Variants in DSCAM observed in about 807,000 individuals in gnomAD.
The protein encoded by DSCAM is DS cell adhesion molecule.
DSCAM carries 47 observed loss-of-function variants against 217.7 expected under a neutral mutation model. The observed-to-expected ratio is 0.22, with a 90% CI of 0.17 to 0.28. The LOEUF is 0.28. Ranked by LOEUF, DSCAM falls within the 10% of genes least tolerant of loss-of-function variation. DSCAM has a pLI of 1.00. For synonymous variants in DSCAM, 1,056 were observed against 1,015.3 expected, an observed-to-expected ratio of 1.04 and a Z score of -0.76; for missense variants, 2,080 against 2,618.3, an observed-to-expected ratio of 0.79 and a Z score of 4.49.
At chr21:40,055,137 C>G (rs1778109487) in intron 29 of DSCAM, among the ~76,000 whole-genome samples, 1 of 152,100 alleles carries the variant, frequency 6.6e-6, no homozygotes, top group African/African-American at 2.4e-5. Flanking sequence ...CAGAAAACCT[C>G]AGGGTGGCTG....
intron 3 of DSCAM, among the ~76,000 whole-genome samples, chr21:40,441,087 C>A (rs1471989393): frequency 3.4e-5 from 4 of 117,708 alleles, no homozygotes; most frequent in East Asian, 4.4e-4. Flanking sequence ...AAATGGTAAA[C>A]CCTGAGGCAA....
At chr21:40,479,814 T>A (rs2075966869) in intron 3 of DSCAM, among the ~76,000 whole-genome samples, 1 of 152,022 alleles carries the variant, frequency 6.6e-6, no homozygotes, top group Admixed American at 6.5e-5. Context: ...TAAAAATCTG[T>A]CAGCAGTAAA....
chr21:40,436,681 G>T (rs745437412), intron 3 of DSCAM, among the ~76,000 whole-genome samples: 1 of 152,126 alleles, frequency 6.6e-6, no homozygotes, highest in African/African-American at 2.4e-5. Flanking sequence ...AAGCTTGAAG[G>T]ACTCGCCAAG....
At chr21:40,537,296 G>C (rs1029373610) in intron 3 of DSCAM, among the ~76,000 whole-genome samples, 1 of 152,190 alleles carries the variant, frequency 6.6e-6, no homozygotes, top group Non-Finnish European at 1.5e-5. Flanking sequence ...GGTCGAGAGA[G>C]AGACAGACAG....
At chr21:40,086,294 C>T (rs560049944) in intron 22 of DSCAM, among the ~76,000 whole-genome samples, 6 of 152,358 alleles carry the variant, frequency 3.9e-5, no homozygotes, top group African/African-American at 1.4e-4. Context: ...CCATCATAAC[C>T]ACTGCTCCGG....
intron 3 of DSCAM, among the ~76,000 whole-genome samples, chr21:40,576,810 C>T (rs753936884): frequency 6.6e-6 from 1 of 151,914 alleles, no homozygotes; most frequent in Non-Finnish European, 1.5e-5. Flanking sequence ...TATTTCAAAA[C>T]TCCTAGAATT....
At position 40,634,200 on chromosome 21, in the gene DSCAM, CAG is replaced by C. The variant is rs371719266; in HGVS notation, c.508+58608_508+58609del. 5.6e-3 allele frequency among the ~76,000 whole-genome samples: 856 copies of C among 152,292 alleles called. 9 individuals carry two copies. Among genetic ancestry groups the C allele is most frequent in the African/African-American group, 0.019 (799 of 41,536 alleles). On this transcript the variant is annotated intron_variant, in intron 3 of 32. Transcript: ENST00000400454. ...GTTACATTTAAGAACTTTCAAAACA[CAG>C]AAAGTTTGAAAACAATAAGAGGAAA...
chr21:40,805,712 CTTTTCTTTTTT>C (rs914245439), intron 1 of DSCAM, among the ~76,000 whole-genome samples: 4 of 111,042 alleles, frequency 3.6e-5, no homozygotes, highest in Non-Finnish European at 6.9e-5. Flanking sequence ...TCTTTCTTTT[CTTTTCTTTTTT>C]TTTTTAATGG....
intron 32 of DSCAM, among the ~76,000 whole-genome samples, chr21:40,041,579 C>A (rs1034576567): frequency 2.6e-5 from 4 of 152,158 alleles, no homozygotes; most frequent in Admixed American, 2.6e-4. Context: ...TGGCCCATGT[C>A]CGCCTCGCTC....
At chr21:40,427,595 T>A (rs1255872266) in intron 3 of DSCAM, among the ~76,000 whole-genome samples, 1 of 152,130 alleles carries the variant, frequency 6.6e-6, no homozygotes, top group African/African-American at 2.4e-5. Context: ...AAACCTCAGC[T>A]CCCTTATTGC....
chr21:40,761,971 G>A (rs1210189696), intron 1 of DSCAM, among the ~76,000 whole-genome samples: 1 of 152,098 alleles, frequency 6.6e-6, no homozygotes, highest in Non-Finnish European at 1.5e-5. Context: ...GTGTTTACAG[G>A]GAAATGTATA....
At chr21:40,582,673 A>T (rs1055173710) in intron 3 of DSCAM, among the ~76,000 whole-genome samples, 2 of 152,194 alleles carry the variant, frequency 1.3e-5, no homozygotes, top group Non-Finnish European at 2.9e-5. Flanking sequence ...GTACATAAAG[A>T]TAAGACCTGG....
At chr21:40,417,261 AG>A (rs1176098828) in intron 3 of DSCAM, among the ~76,000 whole-genome samples, 1 of 152,190 alleles carries the variant, frequency 6.6e-6, no homozygotes, top group African/African-American at 2.4e-5. Flanking sequence ...TTAAAGTTTT[AG>A]GGTACATGTG....
intron 1 of DSCAM, among the ~76,000 whole-genome samples, chr21:40,768,787 A>G (rs1386222869): frequency 6.6e-6 from 1 of 152,198 alleles, no homozygotes; most frequent in African/African-American, 2.4e-5. Context: ...GAAAGTTAGA[A>G]ACAAAAGCCA....
chr21:40,665,561 T>G (rs1164294481), intron 3 of DSCAM, among the ~76,000 whole-genome samples: 1 of 152,108 alleles, frequency 6.6e-6, no homozygotes, highest in Admixed American at 6.5e-5. Context: ...ACAGGCCAGG[T>G]CCCCTGAAAT....
intron 24 of DSCAM, among the ~76,000 whole-genome samples, chr21:40,083,673 A>G (rs777241127): frequency 1.3e-5 from 2 of 152,214 alleles, no homozygotes; most frequent in African/African-American, 4.8e-5. Flanking sequence ...CTTTCTTGCA[A>G]CTGTTGATAT....
chr21:40,108,718 C>T (rs1601337266), intron 20 of DSCAM, among the ~76,000 whole-genome samples: 1 of 152,138 alleles, frequency 6.6e-6, no homozygotes, highest in East Asian at 1.9e-4. Flanking sequence ...AAGAACAAAG[C>T]TAGAAGCATC....
chr21:40,164,919 A>G (rs9982455), intron 16 of DSCAM, among the ~76,000 whole-genome samples: 1,702 of 152,334 alleles, frequency 0.011, 18 homozygotes, highest in Middle Eastern at 0.02. Context: ...TGTAATATCT[A>G]TCTCCAGTGT....
intron 3 of DSCAM, among the ~76,000 whole-genome samples, chr21:40,426,299 G>C (rs1336734768): frequency 6.6e-6 from 1 of 152,238 alleles, no homozygotes; most frequent in African/African-American, 2.4e-5. Flanking sequence ...CACTTTACAA[G>C]ATCCATGGAC....
Sources: allele counts gnomAD v4.1 joint callset (sites outside exome capture counted in the v4.1 genomes callset), GRCh38; gene constraint gnomAD v4.1.1; transcripts MANE v1.5; gene names NCBI Gene and HGNC (gene_info 2026-07-23, HGNC 2026-07-21).